Variants in RBFOX1 observed in about 807,000 individuals in gnomAD.
RBFOX1 encodes RNA binding protein fox-1 homolog 1.
In RBFOX1, 8 loss-of-function variants were observed where a neutral mutation model predicts 57.7. That is an observed-to-expected ratio of 0.14 (90% confidence interval 0.08 to 0.25). The LOEUF (loss-of-function observed/expected upper bound fraction) is 0.25, where lower values mean the gene tolerates loss of function less well. Among genes scored for constraint, RBFOX1 ranks in the 10% least tolerant of loss-of-function variants. The pLI is 1.00. For synonymous variants in RBFOX1, 326 were observed against 222.4 expected (o/e 1.47, Z -4.15); for missense variants, 611 against 548.5 (o/e 1.11, Z -1.14).
intron 4 of RBFOX1, among the ~76,000 whole-genome samples, chr16:7,505,910 G>T (rs750886523): frequency 1.4e-4 from 21 of 152,264 alleles, no homozygotes; most frequent in Non-Finnish European, 2.5e-4. Context: ...TTCTGGCCAG[G>T]TGCAGTGGCT....
At chr16:6,707,639 C>T (rs375198247) in intron 3 of RBFOX1, among the ~76,000 whole-genome samples, 14 of 152,068 alleles carry the variant, frequency 9.2e-5, no homozygotes, top group East Asian at 3.9e-4. Flanking sequence ...GATGAACTGC[C>T]GTCTCCAGAA....
At chr16:5,560,187 T>A (rs570051178) in intron 2 of RBFOX1, among the ~76,000 whole-genome samples, 47 of 152,314 alleles carry the variant, frequency 3.1e-4, no homozygotes, top group African/African-American at 1.1e-3. Flanking sequence ...CTTTGTGAAA[T>A]ACCTTGCTTG....
chr16:7,168,943 C>T (rs1033213038), intron 4 of RBFOX1, among the ~76,000 whole-genome samples: 1 of 152,168 alleles, frequency 6.6e-6, no homozygotes, highest in African/African-American at 2.4e-5. Flanking sequence ...TTGTGATGTC[C>T]TTCCTTGGAT....
At chr16:6,885,936 A>G (rs2063916219) in intron 3 of RBFOX1, among the ~76,000 whole-genome samples, 1 of 152,250 alleles carries the variant, frequency 6.6e-6, no homozygotes, top group African/African-American at 2.4e-5. Context: ...TAATAAAATA[A>G]AATGATTTCT....
intron 4 of RBFOX1, among the ~76,000 whole-genome samples, chr16:7,052,361 C>T (rs991101543): frequency 1.3e-5 from 2 of 152,170 alleles, no homozygotes; most frequent in South Asian, 2.1e-4. Context: ...ATTTGTTTGA[C>T]ATCATTGTAC....
At chr16:6,894,733 A>G (rs1024787814) in intron 3 of RBFOX1, among the ~76,000 whole-genome samples, 2 of 152,202 alleles carry the variant, frequency 1.3e-5, no homozygotes, top group African/African-American at 4.8e-5. Context: ...AAGGTTACCA[A>G]CAGATTGTAT....
At chr16:5,374,589 G>A (rs2151378826) in intron 1 of RBFOX1, among the ~76,000 whole-genome samples, 1 of 152,298 alleles carries the variant, frequency 6.6e-6, no homozygotes, top group South Asian at 2.1e-4. Context: ...CCGGCTAAGA[G>A]GGTTTTGAAT....
intron 4 of RBFOX1, among the ~76,000 whole-genome samples, chr16:7,072,559 T>C (rs2057541736): frequency 6.6e-6 from 1 of 152,196 alleles, no homozygotes; most frequent in Admixed American, 6.5e-5. Flanking sequence ...GTTAATACAA[T>C]GAAAGAATCA....
At chr16:5,608,309 C>A (rs1227862177) in intron 3 of RBFOX1, among the ~76,000 whole-genome samples, 1 of 152,176 alleles carries the variant, frequency 6.6e-6, no homozygotes, top group African/African-American at 2.4e-5. Flanking sequence ...GGCTCTGTTT[C>A]CGTAACAGCA....
intron 2 of RBFOX1, among the ~76,000 whole-genome samples, chr16:6,635,316 C>G (rs1427036388): frequency 6.6e-6 from 1 of 151,842 alleles, no homozygotes; most frequent in African/African-American, 2.4e-5. Context: ...CTGATAACTT[C>G]ATGAAAAAGT....
At chr16:6,723,064 G>A (rs573317540) in intron 3 of RBFOX1, among the ~76,000 whole-genome samples, 1 of 152,316 alleles carries the variant, frequency 6.6e-6, no homozygotes, top group East Asian at 1.9e-4. Context: ...TTGGGGAGGG[G>A]ATGGGCAATG....
chr16:7,578,787 T>C (rs2093527977), intron 5 of RBFOX1, among the ~76,000 whole-genome samples: 2 of 152,036 alleles, frequency 1.3e-5, no homozygotes, highest in Admixed American at 1.3e-4. Flanking sequence ...CAGAGAAGTA[T>C]CAAATGCTAA....
intron 1 of RBFOX1, among the ~76,000 whole-genome samples, chr16:5,280,471 C>T (rs1567273317): frequency 6.6e-6 from 1 of 152,076 alleles, no homozygotes; most frequent in Non-Finnish European, 1.5e-5. Flanking sequence ...GGAAGAATTC[C>T]CTCCTCTTCA....
intron 2 of RBFOX1, among the ~76,000 whole-genome samples, chr16:6,533,066 G>C (rs1384596924): frequency 6.6e-6 from 1 of 152,178 alleles, no homozygotes; most frequent in East Asian, 1.9e-4. Context: ...GTGTTGCAAA[G>C]CACACTTGGC....
intron 1 of RBFOX1, among the ~76,000 whole-genome samples, chr16:6,238,532 G>A (rs1405535754): frequency 2.0e-5 from 3 of 152,122 alleles, no homozygotes; most frequent in Admixed American, 1.3e-4. Context: ...CCTATCCGTA[G>A]CTTTCATGAC....
At chr16:5,808,968 T>C (rs1357346512) in intron 3 of RBFOX1, among the ~76,000 whole-genome samples, 4 of 152,110 alleles carry the variant, frequency 2.6e-5, no homozygotes, top group Non-Finnish European at 5.9e-5. Context: ...TGAATAGGAG[T>C]GGTGAGAGAG....
chr16:6,377,905 C>G (rs1567153583), intron 2 of RBFOX1, among the ~76,000 whole-genome samples: 2 of 152,130 alleles, frequency 1.3e-5, no homozygotes, highest in Admixed American at 6.5e-5. Context: ...AAACTCTGCC[C>G]CACTCCAAGA....
At chr16:5,905,270 C>A (rs975631332) in intron 4 of RBFOX1, among the ~76,000 whole-genome samples, 5 of 151,690 alleles carry the variant, frequency 3.3e-5, no homozygotes, top group African/African-American at 1.2e-4. Context: ...CCAGGCTGGT[C>A]TAGAACTCCG....
intron 3 of RBFOX1, among the ~76,000 whole-genome samples, chr16:6,856,100 C>T (rs532184154): frequency 6.6e-6 from 1 of 151,228 alleles, no homozygotes; most frequent in East Asian, 2.0e-4. Flanking sequence ...CCCTTCCCTT[C>T]CCTTCCCTTT....
Sources: allele counts gnomAD v4.1 joint callset (sites outside exome capture counted in the v4.1 genomes callset), GRCh38; gene constraint gnomAD v4.1.1; transcripts MANE v1.5; gene names NCBI Gene and HGNC (gene_info 2026-07-23, HGNC 2026-07-21).